ATF7: variants seen among roughly 807,000 people sequenced by gnomAD.
ATF7 encodes cyclic AMP-dependent transcription factor ATF-7.
In ATF7, 10 loss-of-function variants were observed where a neutral mutation model predicts 50.4. The ratio of observed to expected loss-of-function variants is 0.20; its 90% confidence interval spans 0.12 to 0.34. The LOEUF (loss-of-function observed/expected upper bound fraction) is 0.34, where lower values mean the gene tolerates loss of function less well. Ranked by LOEUF, ATF7 falls within the 10% of genes least tolerant of loss-of-function variation. The pLI is 1.00. For synonymous variants in ATF7, 201 were observed against 226.4 expected, an observed-to-expected ratio of 0.89 and a Z score of 1.01; for missense variants, 465 against 613.9, an observed-to-expected ratio of 0.76 and a Z score of 2.56.
chr12:53,568,305 G>A (rs1046258098), intron 2 of ATF7, among the ~76,000 whole-genome samples: 9 of 152,178 alleles, frequency 5.9e-5, no homozygotes, highest in Non-Finnish European at 1.2e-4. Flanking sequence ...TGGAAGGTGA[G>A]GAGGGGGAGA....
intron 2 of ATF7, among the ~76,000 whole-genome samples, chr12:53,564,751 T>G (rs1190242950): frequency 2.6e-5 from 4 of 152,238 alleles, no homozygotes; most frequent in African/African-American, 9.6e-5. Context: ...CTGGGTTTAA[T>G]AGCAATGCAT....
chr12:53,591,197 C>A (rs968838683), intron 2 of ATF7, among the ~76,000 whole-genome samples: 8 of 152,066 alleles, frequency 5.3e-5, no homozygotes, highest in African/African-American at 1.4e-4. Context: ...AAAATAAAGT[C>A]TATTAATTTT....
intron 1 of ATF7, among the ~76,000 whole-genome samples, chr12:53,608,022 A>C (rs1235431702): frequency 6.6e-6 from 1 of 152,092 alleles, no homozygotes; most frequent in Non-Finnish European, 1.5e-5. Context: ...GATCGAGACC[A>C]TCCTGGCCAA....
intron 1 of ATF7, among the ~76,000 whole-genome samples, chr12:53,608,540 A>G (rs941041935): frequency 1.3e-5 from 2 of 152,178 alleles, no homozygotes; most frequent in African/African-American, 4.8e-5. Context: ...TTATGCTTAT[A>G]TCAGACAATC....
intron 1 of ATF7, among the ~76,000 whole-genome samples, chr12:53,617,956 ATTTAAC>A (rs1944213222): frequency 6.6e-6 from 1 of 152,126 alleles, no homozygotes; most frequent in East Asian, 1.9e-4. Context: ...AAATACTATG[ATTTAAC>A]AGGAACAAAA....
At chr12:53,545,860 C>G (rs569540820) in intron 3 of ATF7, among the ~76,000 whole-genome samples, 51 of 151,884 alleles carry the variant, frequency 3.4e-4, no homozygotes, top group Non-Finnish European at 6.0e-4. Context: ...GAGTTCAAGA[C>G]CAGCCTGGGC....
intron 11 of ATF7, among the ~76,000 whole-genome samples, chr12:53,519,740 A>C (rs1937985481): frequency 6.6e-6 from 1 of 152,118 alleles, no homozygotes; most frequent in African/African-American, 2.4e-5. Context: ...GCCCATCAAC[A>C]GGATTTGTTT....
At chr12:53,583,826 A>G (rs1254759429) in intron 2 of ATF7, among the ~76,000 whole-genome samples, 1 of 152,238 alleles carries the variant, frequency 6.6e-6, no homozygotes, top group Non-Finnish European at 1.5e-5. Context: ...CAAAATACAC[A>G]AAGAACTCTT....
chr12:53,577,717 G>GA (rs747036727), intron 2 of ATF7, among the ~76,000 whole-genome samples: 2,217 of 94,232 alleles, frequency 0.024, 19 homozygotes, highest in East Asian at 0.13. Flanking sequence ...CTCCGTCTCT[G>GA]AAAAAAAAAA....
At chr12:53,618,958 A>C (rs1220432618) in intron 1 of ATF7, among the ~76,000 whole-genome samples, 1 of 150,132 alleles carries the variant, frequency 6.7e-6, no homozygotes, top group Non-Finnish European at 1.5e-5. Flanking sequence ...AGGCTGAGGC[A>C]TGAGAATTGC....
chr12:53,595,076 A>G (rs1227185210), intron 2 of ATF7, among the ~76,000 whole-genome samples: 4 of 152,236 alleles, frequency 2.6e-5, no homozygotes, highest in Admixed American at 2.6e-4. Context: ...GTGTATTTTC[A>G]GCTGCCTGAC....
intron 2 of ATF7, chr12:53,574,901 C>T: frequency 3.1e-6 from 1 of 318,230 alleles, no homozygotes; most frequent in Non-Finnish European, 6.0e-6. Flanking sequence ...AGAGGGTGAG[C>T]AAGACTTTAG....
At chr12:53,583,739 C>CAA (rs1348324037) in intron 2 of ATF7, among the ~76,000 whole-genome samples, 1 of 151,936 alleles carries the variant, frequency 6.6e-6, no homozygotes, top group Non-Finnish European at 1.5e-5. Context: ...CTGTGAAAGA[C>CAA]AATGTCAAGA....
chr12:53,622,139 A>G (rs528356191), intron 1 of ATF7, among the ~76,000 whole-genome samples: 1 of 152,100 alleles, frequency 6.6e-6, no homozygotes, highest in East Asian at 1.9e-4. Context: ...CGTCTCTACT[A>G]AAAATACAAA....
At chr12:53,543,702 C>A in intron 3 of ATF7, 1 of 430,186 alleles carries the variant, frequency 2.3e-6, no homozygotes, top group Non-Finnish European at 4.1e-6. Flanking sequence ...ATCCACGTAC[C>A]CACTTTTCTC....
intron 1 of ATF7, among the ~76,000 whole-genome samples, chr12:53,603,896 G>A: frequency 2.6e-5 from 4 of 152,100 alleles, no homozygotes; most frequent in Admixed American, 2.6e-4. Flanking sequence ...AAAACAAAAA[G>A]CAACACATTT....
At chr12:53,565,238 T>C (rs1941381840) in intron 2 of ATF7, among the ~76,000 whole-genome samples, 1 of 151,858 alleles carries the variant, frequency 6.6e-6, no homozygotes, top group Admixed American at 6.6e-5. Flanking sequence ...CCATCAGGGA[T>C]TGGGCAATGT....
At chr12:53,518,678 A>T (rs1020176338) in intron 11 of ATF7, among the ~76,000 whole-genome samples, 5 of 152,210 alleles carry the variant, frequency 3.3e-5, no homozygotes, top group African/African-American at 1.2e-4. Context: ...AAACAGAAAT[A>T]TGTGGAAAAA....
chr12:53,576,489 T>A (rs547359285), intron 2 of ATF7, among the ~76,000 whole-genome samples: 2 of 152,294 alleles, frequency 1.3e-5, no homozygotes, highest in South Asian at 4.1e-4. Flanking sequence ...GGTACCCTTA[T>A]AAAAGGATTT....
Sources: allele counts gnomAD v4.1 joint callset (sites outside exome capture counted in the v4.1 genomes callset), GRCh38; gene constraint gnomAD v4.1.1; transcripts MANE v1.5; gene names NCBI Gene and HGNC (gene_info 2026-07-23, HGNC 2026-07-21).